Variants in ABCA13 observed in about 807,000 individuals in gnomAD.
ABCA13 encodes ATP binding cassette subfamily A member 13, also known as ATP-binding cassette sub-family A member 13.
In ABCA13, 476 loss-of-function variants were observed where a neutral mutation model predicts 478.7. The observed-to-expected ratio is 0.99, with a 90% CI of 0.92 to 1.07. The LOEUF (loss-of-function observed/expected upper bound fraction) is 1.07. Among genes scored for constraint, ABCA13 ranks in the 50% least tolerant of loss-of-function variants. ABCA13 has a pLI of 0.00. For missense variants in ABCA13, 6,060 were observed against 5,910.6 expected, an observed-to-expected ratio of 1.03 and a Z score of -0.83; for synonymous variants, 2,252 against 2,158.9, an observed-to-expected ratio of 1.04 and a Z score of -1.20.
At chr7:48,417,191 T>A (rs2129108551) in intron 41 of ABCA13, among the ~76,000 whole-genome samples, 1 of 152,328 alleles carries the variant, frequency 6.6e-6, no homozygotes, top group Admixed American at 6.5e-5. Flanking sequence ...GAAATGCAAT[T>A]ACTGGGTCCA....
intron 41 of ABCA13, among the ~76,000 whole-genome samples, chr7:48,413,397 T>C (rs1262368086): frequency 6.6e-6 from 1 of 152,176 alleles, no homozygotes; most frequent in Non-Finnish European, 1.5e-5. Context: ...GGGTTCTTCA[T>C]AGAGTACACT....
At chr7:48,295,361 T>A (rs1276931454) in intron 20 of ABCA13, among the ~76,000 whole-genome samples, 2 of 152,248 alleles carry the variant, frequency 1.3e-5, no homozygotes, top group African/African-American at 2.4e-5. Context: ...TCTTTGACCA[T>A]TTTTTAAATT....
chr7:48,344,897 C>T (rs1225962037), intron 29 of ABCA13, among the ~76,000 whole-genome samples: 1 of 152,150 alleles, frequency 6.6e-6, no homozygotes, highest in Non-Finnish European at 1.5e-5. Flanking sequence ...GGAACTATTA[C>T]CCAACAAAGA....
At chr7:48,505,009 T>A (rs970621149) in intron 48 of ABCA13, among the ~76,000 whole-genome samples, 10 of 152,122 alleles carry the variant, frequency 6.6e-5, no homozygotes, top group Admixed American at 3.3e-4. Flanking sequence ...CAGTTCATGA[T>A]GAATGTGGTA....
rs1408438727 is a variant in ABCA13, at chr7:48,542,146, T to C, written c.14354+13801T>C. Among the ~76,000 whole-genome samples the C allele has an allele frequency of 1.3e-5, 2 of 151,694 alleles. 1 individual carries two copies. Among genetic ancestry groups the C allele is most frequent in the Non-Finnish European group, 3.0e-5 (2 of 67,714 alleles). On this transcript the variant is annotated intron_variant, in intron 55 of 61. Transcript: ENST00000435803. ...ATGATAAGGTGTAAAGCAAAGTCTG[T>C]TGGGAAAACCAGAAAGAGAATGAGA... is the stretch of plus-strand genomic sequence containing the variant.
intron 31 of ABCA13, among the ~76,000 whole-genome samples, chr7:48,353,116 G>A (rs1809313541): frequency 6.6e-6 from 1 of 151,874 alleles, no homozygotes; most frequent in Non-Finnish European, 1.5e-5. Flanking sequence ...GAGGACGGGA[G>A]ACTATGGTCG....
intron 35 of ABCA13, among the ~76,000 whole-genome samples, chr7:48,384,825 A>G (rs1239334243): frequency 6.6e-6 from 1 of 152,162 alleles, no homozygotes; most frequent in Admixed American, 6.5e-5. Flanking sequence ...GTGGGTATAT[A>G]TATGGACTGG....
At chr7:48,230,213 T>G (rs757579923) in intron 7 of ABCA13, among the ~76,000 whole-genome samples, 10 of 152,238 alleles carry the variant, frequency 6.6e-5, no homozygotes, top group Non-Finnish European at 1.3e-4. Context: ...TAAAAATAAC[T>G]GATTTTAAAA....
At chr7:48,448,378 C>T (rs966666152) in intron 42 of ABCA13, among the ~76,000 whole-genome samples, 1 of 152,108 alleles carries the variant, frequency 6.6e-6, no homozygotes, top group African/African-American at 2.4e-5. Context: ...TTCATACCAC[C>T]CATTCAATAT....
Position 48,645,633 on chromosome 7 carries a change from T to C in ABCA13, c.*121T>C. On this transcript the variant is annotated 3_prime_UTR_variant, in exon 62 of 62. Coordinates refer to ENST00000435803, the MANE Select transcript of ABCA13 (RefSeq NM_152701.5). ...ACACACTCTCCAGGCCGTCAAATTA[T>C]TCTCTTGTTCATTTTCTATTTTGAA... is the stretch of plus-strand genomic sequence containing the variant. 1 of 759,888 alleles carries C rather than the reference T, an allele frequency of 1.3e-6. No homozygotes were observed. Among genetic ancestry groups the C allele is most frequent in the Non-Finnish European group, 2.1e-6 (1 of 474,416 alleles). 47.1% of individuals were successfully genotyped at this position (759,888 alleles called of 1,614,324 possible).
In ABCA13 at chr7:48,367,816, T is replaced by A. The variant is rs992478979; in HGVS notation, c.10711T>A (p.Phe3571Ile). 1.0e-5 allele frequency: 16 copies of A among 1,569,836 alleles called. No individual in the cohort carries two copies. Among genetic ancestry groups the A allele is most frequent in the Admixed American group, 5.6e-5 (3 of 53,220 alleles). Reference sequence around the variant, plus strand: ...CAGATTCCTGAACAACGTTGGTTTCTTTTTTCCACTGATAATGATGCTGAC... The same window carrying A: ...CAGATTCCTGAACAACGTTGGTTTCATTTTTCCACTGATAATGATGCTGAC... ...SDLFLNNVGF[F>I]FPLIMMLTWM... The change falls in exon 32 of 62, where the codon TTT becomes ATT. Residue 3571 changes from phenylalanine to isoleucine, a missense_variant. Physicochemically the swap from Phe to Ile is conservative, Grantham distance 21. Around this residue, in one of 3 missense-constraint regions of ABCA13, gnomAD observed 4,423 missense variants for 4,309.1 expected, o/e 1.03. Coordinates refer to ENST00000435803, the MANE Select transcript of ABCA13 (RefSeq NM_152701.5).
chr7:48,374,224 T>A, intron 33 of ABCA13, 123 bp from the exon 34 acceptor site: 3 of 783,802 alleles, frequency 3.8e-6, no homozygotes, highest in Non-Finnish European at 6.1e-6. Flanking sequence ...CCTGAAGCGA[T>A]GGTTGGGCGT....
chr7:48,303,592 T>A (rs1800474670), intron 23 of ABCA13, among the ~76,000 whole-genome samples: 1 of 152,150 alleles, frequency 6.6e-6, no homozygotes, highest in Non-Finnish European at 1.5e-5. Context: ...GAATAGGGAA[T>A]CTTTCCCTAT....
In ABCA13 at chr7:48,249,234, A is replaced by G. The variant is rs1000277367; in HGVS notation, c.1888A>G (p.Thr630Ala). 3.7e-6 allele frequency: 6 copies of G among 1,612,066 alleles called. No homozygotes were observed. The African/African-American group carries it at 6.7e-5, about 18-fold the overall frequency. Reference sequence around the variant, plus strand: ...CAGGATATTTCATACACTTGAAAAAACACAATTTTTCCTGGAACAAGCATA... The same window carrying G: ...CAGGATATTTCATACACTTGAAAAAGCACAATTTTTCCTGGAACAAGCATA... ...STVIFHTLEKTQFFLEQAYYW... is the reference protein window; with the variant it reads ...STVIFHTLEKAQFFLEQAYYW... The change falls in exon 15 of 62, where the codon ACA becomes GCA. Residue 630 changes from threonine to alanine, a missense_variant. This residue lies in a region of ABCA13 where 4,423 missense variants were observed against 4,309.1 expected (regional missense o/e 1.03). Transcript: ENST00000435803.
At chr7:48,483,647 A>G (rs1829003590) in intron 47 of ABCA13, among the ~76,000 whole-genome samples, 1 of 152,224 alleles carries the variant, frequency 6.6e-6, no homozygotes, top group African/African-American at 2.4e-5. Context: ...TGGTCCCCTT[A>G]GAATTAAAGA....
At chr7:48,387,698 T>G in intron 35 of ABCA13, 124 bp from the exon 36 acceptor site, 1 of 852,132 alleles carries the variant, frequency 1.2e-6, no homozygotes, top group Non-Finnish European at 1.7e-6. Context: ...ACATTTTGTA[T>G]ATGGGACATA....
chr7:48,219,210 G>T, intron 3 of ABCA13, 144 bp from the exon 4 acceptor site: 1 of 731,336 alleles, frequency 1.4e-6, no homozygotes. Context: ...AGGGTCAGGT[G>T]AAATGGGCTC....
intron 50 of ABCA13, among the ~76,000 whole-genome samples, chr7:48,508,927 GT>G (rs1831443124): frequency 6.6e-6 from 1 of 152,122 alleles, no homozygotes; most frequent in African/African-American, 2.4e-5. Context: ...TTGGATTTTT[GT>G]TTTGTTTTGA....
intron 33 of ABCA13, among the ~76,000 whole-genome samples, chr7:48,373,726 T>C (rs1471058766): frequency 6.6e-6 from 1 of 152,274 alleles, no homozygotes; most frequent in African/African-American, 2.4e-5. Flanking sequence ...GATGGTGTTA[T>C]TTTTAATTTT....
Sources: gnomAD v4.1 joint callset for allele counts (sites outside exome capture counted in the v4.1 genomes callset) on GRCh38, gnomAD v4.1.1 for gene constraint, gnomAD v4.1.1 regional missense constraint, MANE v1.5 for transcripts, NCBI Gene and HGNC (gene_info 2026-07-23, HGNC 2026-07-21) for gene names.